The following NTRK2 variants were observed in gnomAD, a reference collection of about 807,000 sequenced individuals.
The protein encoded by NTRK2 is neurotrophic receptor tyrosine kinase 2.
In NTRK2, 13 loss-of-function variants were observed where a neutral mutation model predicts 94.5. The observed-to-expected ratio is 0.14, with a 90% CI of 0.09 to 0.22. The LOEUF (loss-of-function observed/expected upper bound fraction) is 0.22. Ranked by LOEUF, NTRK2 falls within the 10% of genes least tolerant of loss-of-function variation. NTRK2 has a pLI of 1.00. For synonymous variants in NTRK2, 372 were observed against 407.4 expected, an observed-to-expected ratio of 0.91 and a Z score of 1.05; for missense variants, 639 against 1,071.2, an observed-to-expected ratio of 0.60 and a Z score of 5.63.
At chr9:84,753,155 ATTGGG>A (rs2064785956) in intron 12 of NTRK2, among the ~76,000 whole-genome samples, 1 of 152,080 alleles carries the variant, frequency 6.6e-6, no homozygotes, top group Non-Finnish European at 1.5e-5. Context: ...GTGGTGGTAA[ATTGGG>A]GCTTAAAATA....
chr9:84,876,500 C>T (rs2076072899), intron 14 of NTRK2: 1 of 1,055,308 alleles, frequency 9.5e-7, no homozygotes, highest in African/African-American at 1.7e-5. Context: ...AATAGAGAGG[C>T]ACTAACTGCT....
At chr9:85,009,993 TC>T (rs1831386013) in intron 17 of NTRK2, among the ~76,000 whole-genome samples, 1 of 152,180 alleles carries the variant, frequency 6.6e-6, no homozygotes, top group Admixed American at 6.5e-5. Context: ...GAATGTAGAT[TC>T]CAGAAGTCTT....
chr9:84,861,118 A>G, intron 13 of NTRK2, 31 bp downstream of exon 13: 1 of 1,521,628 alleles, frequency 6.6e-7, no homozygotes. Context: ...TTCTTTGGAT[A>G]AGTAATGAGT....
Position 84,931,716 on chromosome 9 carries a change from C to CAA in NTRK2, c.1634-2433_1634-2432dup, listed in dbSNP as rs11395381. Among the ~76,000 whole-genome samples the CAA allele has an allele frequency of 3.3e-3, 331 of 100,312 alleles. 1 individual carries two copies. The highest frequency in any genetic ancestry group is 7.0e-3 in the African/African-American group (216 of 31,074). The allele number at this position is 100,312 out of a possible 152,430, so 65.8% of individuals were successfully genotyped here. A position where few individuals can be genotyped will look rare whatever the true frequency, so the allele number is the denominator to read the frequency against. On this transcript the variant is annotated intron_variant, in intron 14 of 18. Coordinates refer to ENST00000277120, the MANE Select transcript of NTRK2 (RefSeq NM_006180.6). Reference sequence around the variant, plus strand: ...AAGAAAGAAGGTATGTAATAAAATGCAAAAAAAAAAAAAACAAAAAAAACC... The same window carrying CAA: ...AAGAAAGAAGGTATGTAATAAAATGCAAAAAAAAAAAAAAAACAAAAAAAACC...
chr9:84,759,136 A>G (rs2065325174), intron 12 of NTRK2, among the ~76,000 whole-genome samples: 1 of 152,242 alleles, frequency 6.6e-6, no homozygotes, highest in South Asian at 2.1e-4. Flanking sequence ...GTAAGGTAAC[A>G]AAATGAAAAT....
intron 14 of NTRK2, among the ~76,000 whole-genome samples, chr9:84,924,670 T>G (rs972962354): frequency 1.4e-4 from 22 of 152,262 alleles, no homozygotes; most frequent in African/African-American, 4.8e-4. Context: ...TTGAAAGATT[T>G]CTGGGGCTTT....
intron 6 of NTRK2, among the ~76,000 whole-genome samples, chr9:84,711,995 G>T (rs970398606): frequency 6.6e-6 from 1 of 152,154 alleles, no homozygotes; most frequent in Non-Finnish European, 1.5e-5. Context: ...GAGGGTAACT[G>T]TTCTCTGTTC....
intron 14 of NTRK2, among the ~76,000 whole-genome samples, chr9:84,902,393 G>A (rs1642570399): frequency 6.6e-6 from 1 of 152,062 alleles, no homozygotes. Context: ...GAGTGAGTGT[G>A]CATCTGTATT....
At chr9:84,865,574 A>C (rs953900227) in intron 13 of NTRK2, among the ~76,000 whole-genome samples, 2 of 152,220 alleles carry the variant, frequency 1.3e-5, no homozygotes, top group African/African-American at 4.8e-5. Context: ...TCTCACTAAA[A>C]TAGTTAAGTG....
At chr9:84,887,210 T>C (rs2076443030) in intron 14 of NTRK2, among the ~76,000 whole-genome samples, 1 of 152,210 alleles carries the variant, frequency 6.6e-6, no homozygotes, top group Middle Eastern at 3.2e-3. Flanking sequence ...TTTCAGGAAA[T>C]GTAAGGGGTT....
chr9:84,863,972 G>C (rs1341955526), intron 13 of NTRK2, among the ~76,000 whole-genome samples: 1 of 152,154 alleles, frequency 6.6e-6, no homozygotes, highest in African/African-American at 2.4e-5. Flanking sequence ...GGTTTAATTG[G>C]AGAGGTTTAG....
chr9:84,977,985 A>G (rs1259719194), intron 17 of NTRK2, among the ~76,000 whole-genome samples: 1 of 152,172 alleles, frequency 6.6e-6, no homozygotes, highest in Non-Finnish European at 1.5e-5. Flanking sequence ...CAGTGAACTT[A>G]ATAATTGTGT....
rs1659400 is a variant in NTRK2, at chr9:84,711,079, A to G, written c.583+288A>G. 0.6 allele frequency among the ~76,000 whole-genome samples: 90,703 copies of G among 152,120 alleles called. 27,296 individuals are homozygous for G. Among genetic ancestry groups the G allele is most frequent in the East Asian group, 0.71 (3,684 of 5,178 alleles). On this transcript the variant is annotated intron_variant, in intron 6 of 18. Transcript: ENST00000277120. ...TATTTGTTTTTCCATCTATCCATCC[A>G]TCCATTTATCCACCCATCCATCTGT...
rs1211052381 is a variant in NTRK2, at chr9:84,824,565, GC to G, written c.1397-36470del. Among the ~76,000 whole-genome samples, 6 of 152,308 alleles carry G rather than the reference GC, an allele frequency of 3.9e-5. No individual in the cohort carries two copies. In the East Asian group the frequency reaches 7.7e-4, roughly 20 times the overall value. ...ACAGGAGCAAGAAAGGGGCTCTGGA[GC>G]CCCCAACCCTGTAGGCAGCCCTAAA... On this transcript the variant is annotated intron_variant, in intron 12 of 18. Transcript: ENST00000277120.
chr9:84,731,328 C>T (rs1185035109), intron 9 of NTRK2, among the ~76,000 whole-genome samples: 2 of 151,904 alleles, frequency 1.3e-5, no homozygotes, highest in African/African-American at 2.4e-5. Context: ...CCCAGCTACT[C>T]GGGAGGCTGA....
chr9:84,797,784 T>TTATATATACTATAATAATATATATATTA (rs2069729550), intron 12 of NTRK2, among the ~76,000 whole-genome samples: 1 of 78,276 alleles, frequency 1.3e-5, no homozygotes, highest in African/African-American at 5.1e-5. Flanking sequence ...ATAATATATA[T>TTATATATACTATAATAATATATATATTA]TATATATACT....
chr9:84,989,907 C>T (rs1828834360), intron 17 of NTRK2, among the ~76,000 whole-genome samples: 1 of 152,168 alleles, frequency 6.6e-6, no homozygotes, highest in Non-Finnish European at 1.5e-5. Flanking sequence ...AGTCTAGTAC[C>T]TTGTACCTAA....
intron 6 of NTRK2, among the ~76,000 whole-genome samples, chr9:84,712,054 T>C (rs993480041): frequency 1.3e-5 from 2 of 152,174 alleles, no homozygotes; most frequent in Non-Finnish European, 2.9e-5. Context: ...GGACAAGAAA[T>C]TCAATGTTGA....
chr9:84,789,758 T>C (rs565790474), intron 12 of NTRK2, among the ~76,000 whole-genome samples: 1 of 152,294 alleles, frequency 6.6e-6, no homozygotes, highest in East Asian at 1.9e-4. Flanking sequence ...CCGCAGAGAT[T>C]GTCAGTCAAA....
Sources: gnomAD v4.1 joint callset for allele counts (sites outside exome capture counted in the v4.1 genomes callset) on GRCh38, gnomAD v4.1.1 for gene constraint, MANE v1.5 for transcripts, NCBI Gene and HGNC (gene_info 2026-07-23, HGNC 2026-07-21) for gene names.